The following TENM1 variants were observed in gnomAD, a reference collection of about 807,000 sequenced individuals.
The protein encoded by TENM1 is teneurin-1.
TENM1 carries 35 observed loss-of-function variants against 174.8 expected under a neutral mutation model. That is an observed-to-expected ratio of 0.20 (90% CI 0.15 to 0.27). The LOEUF is 0.27. Ranked by LOEUF, TENM1 falls within the 10% of genes least tolerant of loss-of-function variation. The probability of loss-of-function intolerance (pLI) is 1.00; values close to 1 mark genes in which losing one functional copy is unlikely to be tolerated. For missense variants in TENM1, 1,633 were observed against 2,130.1 expected (o/e 0.77, Z 4.59); for synonymous variants, 781 against 798.7 (o/e 0.98, Z 0.37).
chrX:124,593,035 C>T (rs1334632374), intron 11 of TENM1, among the ~76,000 whole-genome samples: 1 of 111,474 alleles, frequency 9.0e-6, no homozygotes, highest in Non-Finnish European at 1.9e-5. Context: ...CTGATTCATG[C>T]AGTGCAGAGT....
the TENM1 span, among the ~76,000 whole-genome samples, chrX:125,003,374 T>G: frequency 8.9e-6 from 1 of 112,086 alleles, no homozygotes; most frequent in African/African-American, 3.2e-5. Flanking sequence ...ATGCCAACTA[T>G]TCAATTAGAG....
the TENM1 span, among the ~76,000 whole-genome samples, chrX:125,000,758 G>A: frequency 9.0e-6 from 1 of 111,175 alleles, no homozygotes; most frequent in Admixed American, 9.6e-5. Context: ...AGTCATTCAA[G>A]AGATATCTTC....
At chrX:124,847,236 G>A (rs2056626842) in intron 3 of TENM1, among the ~76,000 whole-genome samples, 1 of 111,397 alleles carries the variant, frequency 9.0e-6, no homozygotes, top group Admixed American at 9.6e-5. Flanking sequence ...TTGCTTTGGA[G>A]TCTAGTACAA....
At chrX:124,896,987 G>A (rs966618816) in intron 1 of TENM1, among the ~76,000 whole-genome samples, 6 of 111,484 alleles carry the variant, frequency 5.4e-5, no homozygotes, top group Non-Finnish European at 1.1e-4. Flanking sequence ...TAAAGATGAT[G>A]CAACGAATTC....
chrX:125,036,967 A>G, the TENM1 span, among the ~76,000 whole-genome samples: 1 of 111,855 alleles, frequency 8.9e-6, no homozygotes, highest in African/African-American at 3.2e-5. Flanking sequence ...GCAACACATA[A>G]TAATAGCTAC....
At chrX:124,920,244 C>T (rs749977604) in intron 1 of TENM1, among the ~76,000 whole-genome samples, 2 of 111,185 alleles carry the variant, frequency 1.8e-5, no homozygotes, top group South Asian at 3.7e-4. Context: ...TAAGCATAAA[C>T]ACTTTTTTGT....
chrX:124,446,238 G>A (rs2060964036), intron 23 of TENM1, among the ~76,000 whole-genome samples: 1 of 112,286 alleles, frequency 8.9e-6, no homozygotes, highest in African/African-American at 3.2e-5. Context: ...GGTTCAGAAA[G>A]CTTGTGCCAA....
At chrX:125,014,684 G>C in the TENM1 span, among the ~76,000 whole-genome samples, 14 of 111,231 alleles carry the variant, frequency 1.3e-4, no homozygotes, top group Non-Finnish European at 2.1e-4. Flanking sequence ...ATTTGTTTTG[G>C]TATCTCATAG....
At chrX:124,863,353 T>C (rs2056947023) in intron 3 of TENM1, among the ~76,000 whole-genome samples, 1 of 111,050 alleles carries the variant, frequency 9.0e-6, no homozygotes, top group Non-Finnish European at 1.9e-5. Context: ...TTGAACAGCA[T>C]TTCTGGACCT....
the TENM1 span, among the ~76,000 whole-genome samples, chrX:125,084,004 G>A: frequency 9.0e-6 from 1 of 111,471 alleles, no homozygotes; most frequent in Non-Finnish European, 1.9e-5. Context: ...CTTCCAATAT[G>A]TTCTCAGCTG....
chrX:125,140,911 G>A, the TENM1 span, among the ~76,000 whole-genome samples: 1 of 111,848 alleles, frequency 8.9e-6, no homozygotes, highest in East Asian at 2.8e-4. Context: ...TTCCTTTGTA[G>A]GAGAAAGTCC....
chrX:125,159,283 G>T, the TENM1 span, among the ~76,000 whole-genome samples: 3 of 111,892 alleles, frequency 2.7e-5, no homozygotes, highest in African/African-American at 9.8e-5. Flanking sequence ...GTTGGCCTAA[G>T]GATTTACAGG....
the TENM1 span, among the ~76,000 whole-genome samples, chrX:125,032,798 C>T: frequency 4.5e-5 from 5 of 112,033 alleles, no homozygotes; most frequent in African/African-American, 1.6e-4. Context: ...CAGCACAACA[C>T]AGCCTCACGT....
chrX:125,195,425 A>T, the TENM1 span, among the ~76,000 whole-genome samples: 1 of 112,156 alleles, frequency 8.9e-6, no homozygotes, highest in Non-Finnish European at 1.9e-5. Context: ...CTTCCATGTT[A>T]AATTACCAGT....
intron 5 of TENM1, among the ~76,000 whole-genome samples, chrX:124,681,605 G>C (rs186678486): frequency 9.0e-6 from 1 of 111,571 alleles, no homozygotes; most frequent in African/African-American, 3.3e-5. Context: ...TCTGTGTAAA[G>C]GGAGGCAGTT....
chrX:124,652,387 A>C (rs1183685604), intron 7 of TENM1, among the ~76,000 whole-genome samples: 1 of 111,624 alleles, frequency 9.0e-6, no homozygotes, highest in African/African-American at 3.3e-5. Context: ...ATTTTATAAA[A>C]ATTTTTAAAA....
At chrX:124,631,412 AAGAT>A (rs751078580) in intron 11 of TENM1, among the ~76,000 whole-genome samples, 146 of 111,716 alleles carry the variant, frequency 1.3e-3, no homozygotes, top group African/African-American at 4.5e-3. Context: ...AAGGGAAACA[AAGAT>A]AGTAAGTAAG....
At chrX:124,466,290 G>A (rs762396946) in intron 22 of TENM1, among the ~76,000 whole-genome samples, 1 of 111,511 alleles carries the variant, frequency 9.0e-6, no homozygotes, top group South Asian at 3.7e-4. Flanking sequence ...AACAATTTGA[G>A]CAATTTAAAA....
intron 13 of TENM1, among the ~76,000 whole-genome samples, chrX:124,563,306 A>G (rs1399504701): frequency 5.5e-5 from 6 of 110,032 alleles, no homozygotes; most frequent in Non-Finnish European, 1.9e-5. Flanking sequence ...GAGTCCTTGT[A>G]TATGGACTTG....
Sources: gnomAD v4.1 joint callset for allele counts (sites outside exome capture counted in the v4.1 genomes callset) on GRCh38, gnomAD v4.1.1 for gene constraint, MANE v1.5 for transcripts, NCBI Gene and HGNC (gene_info 2026-07-23, HGNC 2026-07-21) for gene names.